ZFP91: variants seen among roughly 807,000 people sequenced by gnomAD.
The protein encoded by ZFP91 is ZFP91 zinc finger protein, atypical E3 ubiquitin ligase.
In ZFP91, 7 loss-of-function variants were observed where a neutral mutation model predicts 63.5. The observed-to-expected ratio is 0.11, with a 90% confidence interval of 0.06 to 0.21. ZFP91 has a LOEUF of 0.21. ZFP91 is among the 10% of genes least tolerant of loss of function. ZFP91 has a pLI of 1.00. For missense variants in ZFP91, 628 were observed against 736.6 expected (o/e 0.85, Z 1.71); for synonymous variants, 330 against 272.1 (o/e 1.21, Z -2.10).
At chr11:58,600,115 A>G (rs1166665527) in intron 2 of ZFP91, among the ~76,000 whole-genome samples, 1 of 152,104 alleles carries the variant, frequency 6.6e-6, no homozygotes, top group Admixed American at 6.6e-5. Context: ...GAAATTGAGA[A>G]GAAAAAAGTG....
intron 2 of ZFP91, among the ~76,000 whole-genome samples, chr11:58,589,212 C>T (rs542290936): frequency 6.6e-6 from 1 of 152,224 alleles, no homozygotes; most frequent in African/African-American, 2.4e-5. Context: ...GCTGGGACTA[C>T]AGAAGTGTGC....
At chr11:58,610,126 A>G in intron 3 of ZFP91, 87 bp downstream of exon 3, 1 of 1,514,970 alleles carries the variant, frequency 6.6e-7, no homozygotes, top group Non-Finnish European at 9.1e-7. Context: ...TAACAGCTTA[A>G]CTGTCAGGGG....
intron 2 of ZFP91, among the ~76,000 whole-genome samples, chr11:58,599,202 C>A (rs796247980): frequency 1.3e-5 from 2 of 151,492 alleles, no homozygotes. Flanking sequence ...TATCCATTCA[C>A]TGGTTAATGG....
At chr11:58,614,797 G>A (rs1443607877) in intron 9 of ZFP91, among the ~76,000 whole-genome samples, 1 of 152,122 alleles carries the variant, frequency 6.6e-6, no homozygotes, top group African/African-American at 2.4e-5. Context: ...TCTAGCTGTT[G>A]AATTTGCATG....
At chr11:58,600,392 G>A (rs1465737322) in intron 2 of ZFP91, among the ~76,000 whole-genome samples, 1 of 151,852 alleles carries the variant, frequency 6.6e-6, no homozygotes, top group East Asian at 1.9e-4. Flanking sequence ...AACAATGAAT[G>A]TTATATGTTG....
intron 1 of ZFP91, among the ~76,000 whole-genome samples, chr11:58,584,618 T>G (rs1855173460): frequency 6.6e-6 from 1 of 152,122 alleles, no homozygotes; most frequent in African/African-American, 2.4e-5. Flanking sequence ...AAATTTACAT[T>G]AATCAAAATT....
intron 2 of ZFP91, among the ~76,000 whole-genome samples, chr11:58,605,257 C>T (rs1373361646): frequency 6.6e-6 from 1 of 152,066 alleles, no homozygotes; most frequent in African/African-American, 2.4e-5. Flanking sequence ...ATGTCAAATG[C>T]CCATTAACAT....
At chr11:58,586,683 G>A (rs988426856) in intron 2 of ZFP91, among the ~76,000 whole-genome samples, 3 of 152,122 alleles carry the variant, frequency 2.0e-5, no homozygotes, top group African/African-American at 7.2e-5. Context: ...ATAAAGAAAT[G>A]GAGGCTCGGG....
Position 58,619,776 on chromosome 11 carries a change from C to G in ZFP91, c.*2070C>G, listed in dbSNP as rs1855816155. ...AGGGATGTAGAATATGCTTTCCTGC[C>G]AACATGGTTTGGAGTCGACTTTGGT... On this transcript the variant is annotated 3_prime_UTR_variant, in exon 11 of 11. Transcript: ENST00000316059. The G allele has an allele frequency of 6.6e-6, 1 of 152,524 alleles. No individual in the cohort carries two copies. The highest frequency in any genetic ancestry group is 6.5e-5 in the Admixed American group (1 of 15,272). 9.4% of individuals were successfully genotyped at this position (152,524 alleles called of 1,614,324 possible).
chr11:58,598,838 A>G (rs1410101261), intron 2 of ZFP91, among the ~76,000 whole-genome samples: 2 of 151,876 alleles, frequency 1.3e-5, no homozygotes, highest in East Asian at 3.9e-4. Context: ...ACTTGAAAGC[A>G]TACAATTCAG....
chr11:58,617,098 G>A lies in ZFP91; in HGVS notation c.1203-98G>A, dbSNP rs1322696165. The A allele has an allele frequency of 1.6e-5, 16 of 987,280 alleles. No individual in the cohort carries two copies. Among genetic ancestry groups the A allele is most frequent in the South Asian group, 5.0e-5 (3 of 59,872 alleles). The allele number at this position is 987,280 out of a possible 1,614,324, so 61.2% of individuals were successfully genotyped here. ...TGTGTGTGTGTGTGTGTGTGTGTGT[G>A]TATGTATATATATGCTCTAAACTCT... On this transcript the variant is annotated intron_variant, in intron 10 of 10. Transcript: ENST00000316059. This position sits in a 1 kb window ranked among gnomAD's most constrained non-coding sequence, Gnocchi z 4.2.
chr11:58,613,399 C>T (rs990984386), intron 8 of ZFP91, among the ~76,000 whole-genome samples: 12 of 152,102 alleles, frequency 7.9e-5, no homozygotes, highest in Admixed American at 1.3e-4. Context: ...CATTAGGTCC[C>T]GCCTTCCAAC....
At position 58,611,747 on chromosome 11, in the gene ZFP91, G is replaced by C; in HGVS notation, c.857+9G>C. 6.3e-7 allele frequency: 1 copy of C among 1,583,894 alleles called. No homozygotes were observed. The highest frequency in any genetic ancestry group is 1.2e-5 in the South Asian group (1 of 85,230). On this transcript the variant is annotated intron_variant, in intron 6 of 10. Coordinates refer to ENST00000316059, the MANE Select transcript of ZFP91 (RefSeq NM_053023.5). ...GAGGAACCTCCAAGGAAGTGAGTAG[G>C]CAATTATTAAAAATGAAAATCTAAC...
rs535603685 is a variant in ZFP91 at position 58,581,847 on chromosome 11, A to G, written c.341+2225A>G. Reference sequence around the variant, plus strand: ...TAAATTCCTTCCTTTTTTCTGCACAATGTTCCTTGTGGGGAGGAAGAAATA... The same window carrying G: ...TAAATTCCTTCCTTTTTTCTGCACAGTGTTCCTTGTGGGGAGGAAGAAATA... On this transcript the variant is annotated intron_variant, in intron 1 of 10. Transcript: ENST00000316059. Among the ~76,000 whole-genome samples the G allele has an allele frequency of 3.3e-5, 5 of 151,916 alleles. No individual in the cohort carries two copies. The East Asian group carries it at 9.7e-4, about 29-fold the overall frequency.
At chr11:58,589,455 G>A (rs528678619) in intron 2 of ZFP91, among the ~76,000 whole-genome samples, 5 of 152,200 alleles carry the variant, frequency 3.3e-5, no homozygotes, top group Non-Finnish European at 7.4e-5. Context: ...AACAACAAAA[G>A]CCTCTTTCCC....
At chr11:58,598,911 A>C (rs1000345310) in intron 2 of ZFP91, among the ~76,000 whole-genome samples, 1 of 152,036 alleles carries the variant, frequency 6.6e-6, no homozygotes, top group African/African-American at 2.4e-5. Flanking sequence ...AAACATTTTC[A>C]TCACCACCAA....
chr11:58,596,577 C>T (rs1855407481), intron 2 of ZFP91, among the ~76,000 whole-genome samples: 1 of 152,172 alleles, frequency 6.6e-6, no homozygotes, highest in Non-Finnish European at 1.5e-5. Flanking sequence ...CGTCTGGCCC[C>T]TGTTCAAAAG....
rs760067994 is a variant in ZFP91 at position 58,617,187 on chromosome 11, T to C, written c.1203-9T>C. The C allele has an allele frequency of 1.3e-6, 2 of 1,556,676 alleles. No homozygotes were observed. The highest frequency in any genetic ancestry group is 1.7e-6 in the Non-Finnish European group (2 of 1,155,352). On this transcript the variant is annotated splice_polypyrimidine_tract_variant and intron_variant, in intron 10 of 10. Transcript: ENST00000316059. This position sits in a 1 kb window ranked among gnomAD's most constrained non-coding sequence, Gnocchi z 4.2. ...TTGGATCAGCCATTTCCTTTTCTCC[T>C]CTCCTTAGATGTGAGATCTGTGGAT...
Position 58,594,279 on chromosome 11 carries a change from A to G in ZFP91, c.370+9395A>G, listed in dbSNP as rs922960056. Among the ~76,000 whole-genome samples, 12 of 152,098 alleles carry G rather than the reference A, an allele frequency of 7.9e-5. No homozygotes were observed. In the East Asian group the frequency reaches 1.7e-3, roughly 22 times the overall value. ...TTCAATTCTCAAGACATGTACATGT[A>G]CTCGTTTCTCCTGCCCCTTCTTTAT... On this transcript the variant is annotated intron_variant, in intron 2 of 10. Transcript: ENST00000316059.
Sources: gnomAD v4.1 joint callset for allele counts (sites outside exome capture counted in the v4.1 genomes callset) on GRCh38, gnomAD v4.1.1 for gene constraint, Gnocchi (gnomAD v3.1) non-coding constraint, MANE v1.5 for transcripts, NCBI Gene and HGNC (gene_info 2026-07-23, HGNC 2026-07-21) for gene names.